GALP: variants seen among roughly 807,000 people sequenced by gnomAD.
The protein encoded by GALP is galanin like peptide, also known as galanin-like peptide.
In GALP, 12 loss-of-function variants were observed where a neutral mutation model predicts 15.2. The ratio of observed to expected loss-of-function variants is 0.79; its 90% CI spans 0.51 to 1.28. GALP has a LOEUF of 1.28. Ranked by LOEUF, GALP falls within the 50% of genes most tolerant of loss-of-function variation. The pLI is 0.00. For synonymous variants in GALP, 58 were observed against 55.1 expected, an observed-to-expected ratio of 1.05 and a Z score of -0.23; for missense variants, 161 against 145.6, an observed-to-expected ratio of 1.11 and a Z score of -0.55.
At position 56,183,015 on chromosome 19, in the gene GALP, C is replaced by T. The variant is rs1278534062; in HGVS notation, c.218-120C>T. Reference sequence around the variant, plus strand: ...TCTGCTCCTCTCCCTCCTCCCCCTGCTCCACCCTCGGGAAGGACCCAGTGT... The same window carrying T: ...TCTGCTCCTCTCCCTCCTCCCCCTGTTCCACCCTCGGGAAGGACCCAGTGT... On this transcript the variant is annotated intron_variant, in intron 4 of 5. Coordinates refer to ENST00000357330, the MANE Select transcript of GALP (RefSeq NM_033106.4). The T allele has an allele frequency of 2.7e-5, 19 of 699,430 alleles. 1 individual carries two copies. The highest frequency in any genetic ancestry group is 2.7e-4 in the South Asian group (16 of 59,758). 43.3% of individuals were successfully genotyped at this position (699,430 alleles called of 1,614,324 possible).
At chr19:56,179,325 T>TTTTTA (rs2032521663) in intron 2 of GALP, among the ~76,000 whole-genome samples, 1 of 150,868 alleles carries the variant, frequency 6.6e-6, no homozygotes, top group Non-Finnish European at 1.5e-5. Flanking sequence ...TTTTTTTTTT[T>TTTTTA]GAGACGGAAT....
intron 2 of GALP, among the ~76,000 whole-genome samples, chr19:56,178,540 AAAG>A (rs926463781): frequency 1.0e-4 from 15 of 150,710 alleles, no homozygotes; most frequent in African/African-American, 3.7e-4. Flanking sequence ...AAAAAAAAAA[AAAG>A]AGACGCCGGC....
At position 56,185,246 on chromosome 19, in the gene GALP, G is replaced by A; in HGVS notation, c.327G>A (p.Lys109=). 6.2e-7 allele frequency: 1 copy of A among 1,608,250 alleles called. No homozygotes were observed. ...DLGMLSMKIP[K]EEDVLKS is the part of the protein sequence containing the mutation. ...GCATGCTCAGCATGAAAATTCCCAA[G>A]GAGGAAGATGTCCTGAAGTCATAGA... is the stretch of plus-strand genomic sequence containing the variant. Residue 109 remains lysine, a synonymous_variant, in exon 6 of 6, where the codon AAG becomes AAA. Transcript: ENST00000357330.
At chr19:56,180,906 TC>T (rs2032553993) in intron 3 of GALP, among the ~76,000 whole-genome samples, 5 of 90,870 alleles carry the variant, frequency 5.5e-5, no homozygotes, top group East Asian at 3.7e-4. Context: ...TTTCTTTCTT[TC>T]TTTCTTTCTT....
intron 3 of GALP, among the ~76,000 whole-genome samples, chr19:56,181,310 G>C (rs1378103173): frequency 6.6e-6 from 1 of 151,284 alleles, no homozygotes; most frequent in African/African-American, 2.4e-5. Context: ...AGAATGTTGT[G>C]AGGATTGAGT....
At chr19:56,178,746 G>A (rs529044723) in intron 2 of GALP, among the ~76,000 whole-genome samples, 4 of 152,292 alleles carry the variant, frequency 2.6e-5, no homozygotes, top group African/African-American at 4.8e-5. Context: ...AGCGCTTGGC[G>A]TTGTGTGAAA....
chr19:56,183,464 C>A (rs1264569503), intron 5 of GALP, among the ~76,000 whole-genome samples: 1 of 152,178 alleles, frequency 6.6e-6, no homozygotes, highest in Non-Finnish European at 1.5e-5. Context: ...CATTTCCCAG[C>A]CTGAATCTAG....
At chr19:56,176,596 A>G (rs78540044) in intron 1 of GALP, among the ~76,000 whole-genome samples, 1 of 113,616 alleles carries the variant, frequency 8.8e-6, no homozygotes, top group Non-Finnish European at 1.8e-5. Flanking sequence ...AGAGGGGTGG[A>G]TGCCAGCTGC....
intron 2 of GALP, among the ~76,000 whole-genome samples, chr19:56,179,711 A>G (rs1222700068): frequency 6.6e-6 from 1 of 150,404 alleles, no homozygotes; most frequent in African/African-American, 2.5e-5. Context: ...GGATGAGATC[A>G]TAGCTCACTG....
At chr19:56,182,354 C>T (rs1178812326) in intron 4 of GALP, 102 bp downstream of exon 4, 22 of 805,402 alleles carry the variant, frequency 2.7e-5, no homozygotes, top group East Asian at 8.3e-5. Context: ...CTCACCCTGC[C>T]GCTTACTATT....
intron 3 of GALP, among the ~76,000 whole-genome samples, chr19:56,181,315 T>C (rs901918041): frequency 6.6e-6 from 1 of 151,828 alleles, no homozygotes; most frequent in Non-Finnish European, 1.5e-5. Flanking sequence ...GTTGTGAGGA[T>C]TGAGTTATTA....
At chr19:56,177,947 T>C (rs2032493606) in intron 2 of GALP, among the ~76,000 whole-genome samples, 1 of 152,060 alleles carries the variant, frequency 6.6e-6, no homozygotes, top group African/African-American at 2.4e-5. Flanking sequence ...ATAAACTAGA[T>C]CTCTGGTACA....
intron 5 of GALP, 115 bp downstream of exon 5, chr19:56,183,327 C>A: frequency 1.2e-6 from 1 of 812,718 alleles, no homozygotes; most frequent in Non-Finnish European, 2.1e-6. Flanking sequence ...CAACCAGGGA[C>A]CTCCTCACCT....
intron 2 of GALP, among the ~76,000 whole-genome samples, chr19:56,179,974 ACGAGGTTGGCCAGG>A (rs1175391999): frequency 6.6e-6 from 1 of 151,682 alleles, no homozygotes; most frequent in Non-Finnish European, 1.5e-5. Flanking sequence ...TTTAGTAGAG[ACGAGGTTGGCCAGG>A]CTGGTCTTGA....
At chr19:56,184,484 CTTTTTTT>C (rs11414322) in intron 5 of GALP, among the ~76,000 whole-genome samples, 1 of 117,666 alleles carries the variant, frequency 8.5e-6, no homozygotes, top group Non-Finnish European at 1.7e-5. Context: ...TTTTCTTTTT[CTTTTTTT>C]TTTTTTTTTT....
intron 1 of GALP, among the ~76,000 whole-genome samples, chr19:56,176,540 G>T: frequency 7.9e-6 from 1 of 126,396 alleles, no homozygotes; most frequent in Non-Finnish European, 1.6e-5. Flanking sequence ...GAGGGCAGAG[G>T]GGCGGATGCC....
At chr19:56,184,666 G>A (rs1282822993) in intron 5 of GALP, among the ~76,000 whole-genome samples, 1 of 151,422 alleles carries the variant, frequency 6.6e-6, no homozygotes, top group Non-Finnish European at 1.5e-5. Context: ...TGTATTTTTA[G>A]TAGAGACGGG....
Position 56,176,059 on chromosome 19 carries a change from C to T in GALP, c.-43C>T, listed in dbSNP as rs2032449759. On this transcript the variant is annotated 5_prime_UTR_variant, in exon 1 of 6. Transcript: ENST00000357330. Reference sequence around the variant, plus strand: ...AGCTGCGGAGAGCTGCCAGCTGCAGCGGGGTGAGAGCCTAGGCCAGGAGGG... The same window carrying T: ...AGCTGCGGAGAGCTGCCAGCTGCAGTGGGGTGAGAGCCTAGGCCAGGAGGG... The T allele has an allele frequency of 1.7e-5, 3 of 172,032 alleles. No homozygotes were observed. Among genetic ancestry groups the T allele is most frequent in the African/African-American group, 2.4e-5 (1 of 41,248 alleles). 10.7% of individuals were successfully genotyped at this position (172,032 alleles called of 1,614,324 possible). A position where few individuals can be genotyped will look rare whatever the true frequency, so the allele number is the denominator to read the frequency against.
chr19:56,182,744 G>C (rs1419307463), intron 4 of GALP, among the ~76,000 whole-genome samples: 1 of 152,156 alleles, frequency 6.6e-6, no homozygotes, highest in Non-Finnish European at 1.5e-5. Flanking sequence ...TTTTAGTAGA[G>C]ATGGGGTTTC....
Sources: allele counts gnomAD v4.1 joint callset (sites outside exome capture counted in the v4.1 genomes callset), GRCh38; gene constraint gnomAD v4.1.1; transcripts MANE v1.5; gene names NCBI Gene and HGNC (gene_info 2026-07-23, HGNC 2026-07-21).